The following SLC36A3 variants were observed in gnomAD, a reference collection of about 807,000 sequenced individuals.
SLC36A3 encodes proton-coupled amino acid transporter 3.
A neutral mutation model predicts 44.3 loss-of-function variants in SLC36A3; 35 were observed. That is an observed-to-expected ratio of 0.79 (90% CI 0.60 to 1.05). The LOEUF is 1.05. SLC36A3 is among the 50% of genes least tolerant of loss of function. The probability of loss-of-function intolerance (pLI) is 0.00; values close to 1 mark genes in which losing one functional copy is unlikely to be tolerated. For missense variants in SLC36A3, 540 were observed against 578.7 expected (o/e 0.93, Z 0.69); for synonymous variants, 211 against 227.6 (o/e 0.93, Z 0.66).
chr5:151,296,781 G>A (rs1754975343), intron 2 of SLC36A3: 1 of 156,940 alleles, frequency 6.4e-6, no homozygotes, highest in South Asian at 2.0e-4. Flanking sequence ...TACCCACTAG[G>A]TGTCAGAGAC....
chr5:151,283,966 T>C lies in SLC36A3; in HGVS notation c.974+78A>G, dbSNP rs1754429683. The C allele has an allele frequency of 4.7e-6, 7 of 1,480,064 alleles. No homozygotes were observed. The East Asian group carries it at 1.7e-4, about 35-fold the overall frequency. The allele number at this position is 1,480,064 out of a possible 1,614,324, so 91.7% of individuals were successfully genotyped here. ...TGGATTACCAGCTTCATGGCTCAGC[T>C]TTGCTGTGCTCTCTGCTATGACAAC... On this transcript the variant is annotated intron_variant, in intron 8 of 9. Transcript: ENST00000335230.
chr5:151,295,609 CTG>C, intron 3 of SLC36A3, among the ~76,000 whole-genome samples: 1 of 152,210 alleles, frequency 6.6e-6, no homozygotes, highest in East Asian at 1.9e-4. Flanking sequence ...CTGTGGATCT[CTG>C]CATTCTTTGT....
Position 151,303,568 on chromosome 5 carries a change from G to A in SLC36A3, c.-214C>T, listed in dbSNP as rs1387661661. The A allele has an allele frequency of 1.0e-5, 5 of 486,010 alleles. No individual in the cohort carries two copies. The highest frequency in any genetic ancestry group is 3.6e-5 in the Admixed American group (1 of 27,540). 30.1% of individuals were successfully genotyped at this position (486,010 alleles called of 1,614,324 possible). On this transcript the variant is annotated 5_prime_UTR_variant, in exon 1 of 10. Transcript: ENST00000335230. ...TTGATGATGCCTCACCTGGCTCTTG[G>A]GGGACTTATGAAAGACCCATCTCAG...
intron 4 of SLC36A3, among the ~76,000 whole-genome samples, chr5:151,290,751 C>T (rs552332425): frequency 1.2e-4 from 19 of 152,040 alleles, no homozygotes; most frequent in African/African-American, 3.9e-4. Flanking sequence ...AAAAATTAGC[C>T]GGGCATGGTG....
intron 6 of SLC36A3, 140 bp downstream of exon 6, chr5:151,287,106 C>T: frequency 1.4e-6 from 1 of 697,924 alleles, no homozygotes; most frequent in Non-Finnish European, 2.3e-6. Context: ...AGAAGTGTTC[C>T]TAGATGTCAT....
intron 3 of SLC36A3, 46 bp downstream of exon 3, chr5:151,296,134 T>G (rs747959078): frequency 6.3e-7 from 1 of 1,595,094 alleles, no homozygotes; most frequent in South Asian, 1.1e-5. Flanking sequence ...CAACACACCC[T>G]CAGAGGGGCC....
intron 4 of SLC36A3, among the ~76,000 whole-genome samples, chr5:151,291,835 C>A (rs1393638822): frequency 6.6e-6 from 1 of 152,094 alleles, no homozygotes; most frequent in African/African-American, 2.4e-5. Flanking sequence ...ATGACCATTG[C>A]CTCCATGGAA....
intron 1 of SLC36A3, among the ~76,000 whole-genome samples, chr5:151,301,249 C>T (rs574061977): frequency 1.2e-4 from 19 of 152,178 alleles, no homozygotes; most frequent in Middle Eastern, 3.4e-3. Context: ...CCCCTTTTTG[C>T]CTGGGGACCA....
chr5:151,287,138 C>A, intron 6 of SLC36A3, 108 bp downstream of exon 6: 2 of 1,109,868 alleles, frequency 1.8e-6, no homozygotes, highest in Non-Finnish European at 1.3e-6. Flanking sequence ...CTGCTCAGAG[C>A]AGAGGATCAC....
Position 151,303,406 on chromosome 5 carries a change from G to A in SLC36A3, c.-52C>T, listed in dbSNP as rs1755232694. 3 of 1,565,928 alleles carry A rather than the reference G, an allele frequency of 1.9e-6. No individual in the cohort carries two copies. The highest frequency in any genetic ancestry group is 2.6e-6 in the Non-Finnish European group (3 of 1,151,018). ...GGCTCAGGGTTAAGGCTCTGAATGA[G>A]CCTCTGATGGGTCTTTCTCCAGAGA... On this transcript the variant is annotated 5_prime_UTR_variant, in exon 1 of 10. Transcript: ENST00000335230.
At chr5:151,286,740 C>A (rs764878635) in intron 6 of SLC36A3, among the ~76,000 whole-genome samples, 2 of 152,092 alleles carry the variant, frequency 1.3e-5, no homozygotes, top group Non-Finnish European at 2.9e-5. Flanking sequence ...GCTTTACTTC[C>A]AAAATAGTAT....
intron 4 of SLC36A3, among the ~76,000 whole-genome samples, chr5:151,289,647 C>T (rs1207775243): frequency 1.3e-5 from 2 of 152,162 alleles, no homozygotes; most frequent in African/African-American, 4.8e-5. Context: ...TTTCATCACA[C>T]TGGCTTTGTT....
rs371978100 is a variant in SLC36A3 at position 151,303,332 on chromosome 5, T to C, written c.23A>G (p.Tyr8Cys). 38 of 1,613,808 alleles carry C rather than the reference T, an allele frequency of 2.4e-5. 1 individual carries two copies. The highest frequency in any genetic ancestry group is 3.0e-5 in the Non-Finnish European group (35 of 1,179,872). Residue 8 changes from tyrosine (Y) to cysteine (C), a missense_variant, in exon 1 of 10, where the codon TAC (tyrosine) becomes TGC (cysteine). By Grantham distance (194) the Tyr-to-Cys change is radical. Transcript: ENST00000335230. ...GTCCAAGGAGTTCAGCTCACTGTTG[T>C]AGTCCCTTCCAAGCAATGACATCTT... MSLLGRDYNSELNSLDNG... is the reference protein window; with the variant it reads MSLLGRDCNSELNSLDNG...
chr5:151,297,685 G>A (rs6876904), intron 2 of SLC36A3: 59,933 of 152,038 alleles, frequency 0.39, 12,399 homozygotes, highest in African/African-American at 0.49. Context: ...TATGTCGACC[G>A]GACGAGGTGG....
intron 2 of SLC36A3, 26 bp downstream of exon 2, chr5:151,298,567 G>C: frequency 1.1e-5 from 17 of 1,612,486 alleles, no homozygotes; most frequent in Non-Finnish European, 1.4e-5. Flanking sequence ...AGCAAACCTA[G>C]TTCCCATCCC....
intron 4 of SLC36A3, among the ~76,000 whole-genome samples, chr5:151,292,856 C>T (rs1164625890): frequency 3.3e-5 from 5 of 152,170 alleles, no homozygotes; most frequent in Non-Finnish European, 4.4e-5. Context: ...TGGTGGTGGG[C>T]GCCTGTAATC....
intron 4 of SLC36A3, among the ~76,000 whole-genome samples, chr5:151,288,708 A>G (rs957687871): frequency 4.0e-5 from 6 of 151,388 alleles, no homozygotes; most frequent in African/African-American, 1.5e-4. Context: ...CATTACATAT[A>G]TATATAATAT....
intron 4 of SLC36A3, among the ~76,000 whole-genome samples, chr5:151,290,962 T>C (rs1373255332): frequency 6.6e-6 from 1 of 152,086 alleles, no homozygotes; most frequent in Non-Finnish European, 1.5e-5. Flanking sequence ...ACCATCATCA[T>C]GTCTTACAAA....
Sources: gnomAD v4.1 joint callset for allele counts (sites outside exome capture counted in the v4.1 genomes callset) on GRCh38, gnomAD v4.1.1 for gene constraint, MANE v1.5 for transcripts, NCBI Gene and HGNC (gene_info 2026-07-23, HGNC 2026-07-21) for gene names.